Variants in TTLL7 observed in about 807,000 individuals in gnomAD.
TTLL7 encodes tubulin tyrosine ligase like 7, also known as tubulin polyglutamylase TTLL7.
A neutral mutation model predicts 120.2 loss-of-function variants in TTLL7; 53 were observed. That is an observed-to-expected ratio of 0.44 (90% CI 0.35 to 0.55). The LOEUF (loss-of-function observed/expected upper bound fraction) is 0.55. Ranked by LOEUF, TTLL7 falls within the 20% of genes least tolerant of loss-of-function variation. The pLI is 0.00. For synonymous variants in TTLL7, 353 were observed against 351.7 expected, an observed-to-expected ratio of 1.00 and a Z score of -0.04; for missense variants, 803 against 1,054.7, an observed-to-expected ratio of 0.76 and a Z score of 3.31.
intron 12 of TTLL7, 112 bp downstream of exon 12, chr1:83,920,975 T>C: frequency 8.5e-7 from 1 of 1,173,588 alleles, no homozygotes; most frequent in Non-Finnish European, 1.2e-6. Flanking sequence ...AAAAAGCACT[T>C]GCTTGGAATG....
At chr1:83,987,185 A>C (rs1404774649) in intron 1 of TTLL7, among the ~76,000 whole-genome samples, 1 of 152,010 alleles carries the variant, frequency 6.6e-6, no homozygotes, top group East Asian at 1.9e-4. Flanking sequence ...GTATAAATCT[A>C]AGATAACATG....
intron 1 of TTLL7, among the ~76,000 whole-genome samples, chr1:83,966,511 G>A (rs890650549): frequency 1.3e-5 from 2 of 152,070 alleles, no homozygotes; most frequent in African/African-American, 4.8e-5. Context: ...TACTCTATGA[G>A]GCAAGAAGGT....
At chr1:83,882,025 G>A (rs1654535987) in intron 20 of TTLL7, among the ~76,000 whole-genome samples, 1 of 145,032 alleles carries the variant, frequency 6.9e-6, no homozygotes, top group African/African-American at 2.6e-5. Context: ...ACTCATAGGT[G>A]GGAAATGAAC....
At chr1:83,875,403 G>A (rs889451157) in intron 20 of TTLL7, among the ~76,000 whole-genome samples, 1 of 151,916 alleles carries the variant, frequency 6.6e-6, no homozygotes, top group African/African-American at 2.4e-5. Flanking sequence ...ATATTCCATT[G>A]TATGAATACT....
chr1:83,919,913 T>C, intron 12 of TTLL7, 79 bp from the exon 13 acceptor site: 1 of 1,368,534 alleles, frequency 7.3e-7, no homozygotes, highest in Non-Finnish European at 1.0e-6. Context: ...CCATAGACAA[T>C]CCTTGACCAT....
chr1:83,955,479 A>G (rs940561378), intron 1 of TTLL7, among the ~76,000 whole-genome samples: 1 of 152,094 alleles, frequency 6.6e-6, no homozygotes, highest in Non-Finnish European at 1.5e-5. Flanking sequence ...GCTTCACACA[A>G]CCTTTCCATC....
At chr1:83,879,215 A>G (rs1002156859) in intron 20 of TTLL7, among the ~76,000 whole-genome samples, 1 of 152,026 alleles carries the variant, frequency 6.6e-6, no homozygotes, top group Non-Finnish European at 1.5e-5. Flanking sequence ...AGGAAAAGAA[A>G]TATGGCCACT....
Position 83,928,760 on chromosome 1 carries a change from T to C in TTLL7, c.1142+376A>G, listed in dbSNP as rs373258058. On this transcript the variant is annotated intron_variant, in intron 10 of 20. Transcript: ENST00000260505. ...TTCTTATAAGATGAGGAAGATAATC[T>C]AGAGGGTCTCTTAAAGTATTTACCA... Among the ~76,000 whole-genome samples the C allele has an allele frequency of 3.3e-5, 5 of 152,144 alleles. No individual in the cohort carries two copies. The East Asian group carries it at 9.6e-4, about 29-fold the overall frequency.
At chr1:83,911,527 T>C (rs1290347993) in intron 14 of TTLL7, among the ~76,000 whole-genome samples, 164 bp from the exon 15 acceptor site, 1 of 152,188 alleles carries the variant, frequency 6.6e-6, no homozygotes, top group Non-Finnish European at 1.5e-5. Flanking sequence ...TACAGTGCTA[T>C]GCATTGATTG....
chr1:83,942,468 T>C lies in TTLL7; in HGVS notation c.718A>G (p.Asn240Asp). Residue 240 changes from asparagine (N) to aspartate (D), a missense_variant, in exon 7 of 21, where the codon AAT becomes GAT. Transcript: ENST00000260505. Reference sequence around the variant, plus strand: ...CTCTGTCTGGTATCACTTACCAAATTGGACTCATTAGGTGGAATGTACTTC... The same window carrying C: ...CTCTGTCTGGTATCACTTACCAAATCGGACTCATTAGGTGGAATGTACTTC... Reference protein sequence around the residue: ...TEKYIPPNESNLTQLYMHLTN... With the variant: ...TEKYIPPNESDLTQLYMHLTN... 1 of 1,612,174 alleles carries C rather than the reference T, an allele frequency of 6.2e-7. No homozygotes were observed. The highest frequency in any genetic ancestry group is 8.5e-7 in the Non-Finnish European group (1 of 1,178,378).
intron 1 of TTLL7, among the ~76,000 whole-genome samples, chr1:83,960,639 T>A (rs1381679866): frequency 6.6e-6 from 1 of 152,010 alleles, no homozygotes; most frequent in Admixed American, 6.6e-5. Flanking sequence ...AATAAGACAA[T>A]AGAATTAGTG....
chr1:83,889,417 A>G (rs1000904932), intron 19 of TTLL7, among the ~76,000 whole-genome samples: 1 of 152,090 alleles, frequency 6.6e-6, no homozygotes, highest in African/African-American at 2.4e-5. Context: ...TATATATCAT[A>G]CTTTATCTGC....
intron 14 of TTLL7, among the ~76,000 whole-genome samples, chr1:83,913,588 C>A (rs1453713807): frequency 6.6e-6 from 1 of 152,228 alleles, no homozygotes; most frequent in African/African-American, 2.4e-5. Context: ...GTTTTGCTCA[C>A]TTTGAACCCT....
At chr1:83,871,178 G>T (rs987656059) in intron 20 of TTLL7, among the ~76,000 whole-genome samples, 1 of 151,914 alleles carries the variant, frequency 6.6e-6, no homozygotes, top group Non-Finnish European at 1.5e-5. Flanking sequence ...ACCACGCCCA[G>T]CTAATTTTTT....
intron 1 of TTLL7, among the ~76,000 whole-genome samples, chr1:83,972,848 C>T (rs1298719739): frequency 3.9e-5 from 6 of 152,014 alleles, no homozygotes; most frequent in African/African-American, 1.4e-4. Context: ...TTTTTATATG[C>T]TTATTGCCAT....
intron 20 of TTLL7, among the ~76,000 whole-genome samples, chr1:83,879,354 G>A (rs1408000785): frequency 6.6e-6 from 1 of 151,868 alleles, no homozygotes; most frequent in African/African-American, 2.4e-5. Context: ...TGAACTTCCT[G>A]GCCTCTTACC....
At chr1:83,939,000 T>C (rs1461778040) in intron 7 of TTLL7, among the ~76,000 whole-genome samples, 1 of 152,190 alleles carries the variant, frequency 6.6e-6, no homozygotes, top group African/African-American at 2.4e-5. Context: ...AAATGATAAT[T>C]TGAGGTACAT....
intron 19 of TTLL7, among the ~76,000 whole-genome samples, chr1:83,890,115 AAATT>A (rs1655332342): frequency 6.6e-6 from 1 of 152,090 alleles, no homozygotes; most frequent in Non-Finnish European, 1.5e-5. Flanking sequence ...CACCGAATTC[AAATT>A]AATTAGGTGG....
intron 5 of TTLL7, 37 bp downstream of exon 5, chr1:83,948,591 G>T: frequency 7.2e-7 from 1 of 1,379,956 alleles, no homozygotes; most frequent in South Asian, 1.2e-5. Context: ...TATAAATTTT[G>T]AACAGGTCTT....
Sources: allele counts gnomAD v4.1 joint callset (sites outside exome capture counted in the v4.1 genomes callset), GRCh38; gene constraint gnomAD v4.1.1; transcripts MANE v1.5; gene names NCBI Gene and HGNC (gene_info 2026-07-23, HGNC 2026-07-21).